BANK1: variants seen among roughly 807,000 people sequenced by gnomAD.
The protein encoded by BANK1 is B-cell scaffold protein with ankyrin repeats.
Under a neutral mutation model 94.5 loss-of-function variants are expected in BANK1, and 95 were observed. The observed-to-expected ratio is 1.00, with a 90% CI of 0.85 to 1.19. BANK1 has a LOEUF of 1.19. Among genes scored for constraint, BANK1 ranks in the 50% most tolerant of loss-of-function variants. BANK1 has a pLI of 0.00. For synonymous variants in BANK1, 334 were observed against 308.4 expected (o/e 1.08, Z -0.87); for missense variants, 987 against 932.2 (o/e 1.06, Z -0.77).
chr4:101,825,921 G>A (rs1012641798), intron 1 of BANK1, among the ~76,000 whole-genome samples: 3 of 151,996 alleles, frequency 2.0e-5, no homozygotes, highest in Non-Finnish European at 4.4e-5. Flanking sequence ...GGCTTTGAAA[G>A]ACAGGTTATG....
chr4:102,024,336 C>T (rs2148947857), intron 8 of BANK1, among the ~76,000 whole-genome samples: 1 of 152,160 alleles, frequency 6.6e-6, no homozygotes, highest in African/African-American at 2.4e-5. Context: ...TTAGAAATTC[C>T]AAAAGACTGT....
At chr4:101,931,656 T>C (rs946020104) in intron 7 of BANK1, among the ~76,000 whole-genome samples, 3 of 151,600 alleles carry the variant, frequency 2.0e-5, no homozygotes, top group African/African-American at 7.3e-5. Flanking sequence ...TGGTGAACTT[T>C]GAATAGCACA....
chr4:101,908,654 T>A (rs1722550833), intron 6 of BANK1, among the ~76,000 whole-genome samples: 1 of 152,012 alleles, frequency 6.6e-6, no homozygotes, highest in Non-Finnish European at 1.5e-5. Context: ...TGCAATCTAC[T>A]CATCTGACAA....
rs1481230735 is a variant in BANK1, at chr4:102,072,406, T to C, written c.2298+6T>C. On this transcript the variant is annotated splice_donor_region_variant and intron_variant, in intron 15 of 16. Transcript: ENST00000322953. ...ATGTACACTTCAGCAATAAGGTAGG[T>C]TGTATTTATTTTGATTTCTATAAAA... The C allele has an allele frequency of 1.3e-6, 2 of 1,573,344 alleles. No individual in the cohort carries two copies. The highest frequency in any genetic ancestry group is 1.7e-6 in the Non-Finnish European group (2 of 1,147,796).
Position 101,918,130 on chromosome 4 carries a change from G to T in BANK1, c.1147G>T (p.Ala383Ser). The T allele has an allele frequency of 6.2e-7, 1 of 1,606,394 alleles. No homozygotes were observed. The highest frequency in any genetic ancestry group is 8.5e-7 in the Non-Finnish European group (1 of 1,175,352). Residue 383 changes from alanine to serine, a missense_variant, in exon 7 of 17, where the codon GCA becomes TCA. Coordinates refer to ENST00000322953, the MANE Select transcript of BANK1 (RefSeq NM_017935.5). ...GAAAAATATGGAGGGTTCAGACCCC[G>T]CACATATTGCTGAAAGGCATGGTCA... ...KMKNMEGSDPAHIAERHGHKE... is the reference protein window; with the variant it reads ...KMKNMEGSDPSHIAERHGHKE...
chr4:101,947,596 T>C (rs1723981669), intron 7 of BANK1, among the ~76,000 whole-genome samples: 1 of 151,750 alleles, frequency 6.6e-6, no homozygotes, highest in Non-Finnish European at 1.5e-5. Flanking sequence ...ATTCAGTGTT[T>C]GCAAATTTAT....
rs117965810 is a variant in BANK1 at position 101,924,613 on chromosome 4, C to T, written c.1206+6424C>T. 2.7e-3 allele frequency among the ~76,000 whole-genome samples: 410 copies of T among 151,878 alleles called. 21 individuals carry two copies. The East Asian group carries it at 0.076, about 28-fold the overall frequency. On this transcript the variant is annotated intron_variant, in intron 7 of 16. Transcript: ENST00000322953. ...GTGCGTTGGGAAGGGGAGCAGGCAT[C>T]ACTGGGAAAAGCAAGATGAGTAAAA...
chr4:101,961,602 A>G (rs761193097), intron 7 of BANK1, among the ~76,000 whole-genome samples: 2 of 152,136 alleles, frequency 1.3e-5, no homozygotes, highest in South Asian at 2.1e-4. Context: ...CTGTCAAACT[A>G]TTATTTTTTA....
chr4:101,941,305 C>T (rs1002260941), intron 7 of BANK1, among the ~76,000 whole-genome samples: 8 of 151,690 alleles, frequency 5.3e-5, no homozygotes, highest in Non-Finnish European at 1.2e-4. Flanking sequence ...TAGTATCAAT[C>T]ATTTCTCAAG....
chr4:101,817,372 T>C (rs975971171), intron 1 of BANK1, among the ~76,000 whole-genome samples: 1 of 152,182 alleles, frequency 6.6e-6, no homozygotes, highest in Admixed American at 6.5e-5. Context: ...GATTATGTCC[T>C]TTGCAGAGAA....
At chr4:101,959,643 C>T (rs1724497229) in intron 7 of BANK1, among the ~76,000 whole-genome samples, 1 of 152,164 alleles carries the variant, frequency 6.6e-6, no homozygotes, top group South Asian at 2.1e-4. Context: ...TATCTGCAAG[C>T]ACCTTTAGCA....
intron 2 of BANK1, among the ~76,000 whole-genome samples, chr4:101,831,390 C>G (rs1726614181): frequency 6.6e-6 from 1 of 152,200 alleles, no homozygotes; most frequent in Non-Finnish European, 1.5e-5. Flanking sequence ...TATACTTCTT[C>G]CCTGGTGGAA....
intron 7 of BANK1, among the ~76,000 whole-genome samples, chr4:101,984,910 T>C (rs1230670015): frequency 6.6e-6 from 1 of 152,070 alleles, no homozygotes; most frequent in Non-Finnish European, 1.5e-5. Flanking sequence ...TAAAAGCCTA[T>C]AACAATCATT....
At chr4:101,874,048 T>C (rs527711808) in intron 5 of BANK1, among the ~76,000 whole-genome samples, 56 of 152,200 alleles carry the variant, frequency 3.7e-4, no homozygotes, top group Non-Finnish European at 7.5e-4. Flanking sequence ...AAATAATTCT[T>C]CTTAGTTATA....
intron 7 of BANK1, among the ~76,000 whole-genome samples, chr4:101,951,785 G>A (rs907544446): frequency 6.6e-6 from 1 of 151,862 alleles, no homozygotes; most frequent in Non-Finnish European, 1.5e-5. Flanking sequence ...CAGCCATGTA[G>A]CTTAAATTAA....
chr4:101,977,196 C>G (rs772556043), intron 7 of BANK1: 1 of 152,152 alleles, frequency 6.6e-6, no homozygotes, highest in Non-Finnish European at 1.5e-5. Context: ...TTCTGCTCAT[C>G]ATAATCACTA....
chr4:101,988,319 T>A (rs2148930742), intron 7 of BANK1, among the ~76,000 whole-genome samples: 1 of 152,348 alleles, frequency 6.6e-6, no homozygotes, highest in African/African-American at 2.4e-5. Context: ...AAACAGCTTT[T>A]AGAGTTCTAA....
intron 7 of BANK1, among the ~76,000 whole-genome samples, chr4:101,933,120 C>G (rs1303815918): frequency 6.6e-6 from 1 of 151,404 alleles, no homozygotes; most frequent in Non-Finnish European, 1.5e-5. Flanking sequence ...GAGTTTTAGA[C>G]ATAATAATGG....
At chr4:101,907,844 A>T (rs1256478762) in intron 6 of BANK1, among the ~76,000 whole-genome samples, 2 of 152,232 alleles carry the variant, frequency 1.3e-5, no homozygotes, top group African/African-American at 2.4e-5. Flanking sequence ...AATCCAACTT[A>T]CAAGGGATGT....
Sources: gnomAD v4.1 joint callset for allele counts (sites outside exome capture counted in the v4.1 genomes callset) on GRCh38, gnomAD v4.1.1 for gene constraint, MANE v1.5 for transcripts, NCBI Gene and HGNC (gene_info 2026-07-23, HGNC 2026-07-21) for gene names.